Variants in CCDC25 observed in about 807,000 individuals in gnomAD.
CCDC25 encodes coiled-coil domain containing 25, also known as coiled-coil domain-containing protein 25.
CCDC25 carries 16 observed loss-of-function variants against 35.3 expected under a neutral mutation model. That is an observed-to-expected ratio of 0.45 (90% CI 0.31 to 0.69). CCDC25 has a LOEUF of 0.69. Among genes scored for constraint, CCDC25 ranks in the 30% least tolerant of loss-of-function variants. The probability of loss-of-function intolerance (pLI) is 0.06; values close to 1 mark genes in which losing one functional copy is unlikely to be tolerated. For synonymous variants in CCDC25, 79 were observed against 80.3 expected, an observed-to-expected ratio of 0.98 and a Z score of 0.09; for missense variants, 179 against 250.7, an observed-to-expected ratio of 0.71 and a Z score of 1.93.
intron 4 of CCDC25, chr8:27,753,143 T>C (rs183427351): frequency 6.6e-6 from 1 of 152,334 alleles, no homozygotes; most frequent in Non-Finnish European, 1.5e-5. Context: ...TTTTTCTCTA[T>C]AGAAATTTGT....
At chr8:27,738,185 G>A (rs1437668527) in intron 8 of CCDC25, among the ~76,000 whole-genome samples, 1 of 152,050 alleles carries the variant, frequency 6.6e-6, no homozygotes, top group African/African-American at 2.4e-5. Flanking sequence ...GGTGACGGAT[G>A]CACCAAAATC....
intron 3 of CCDC25, among the ~76,000 whole-genome samples, chr8:27,761,967 G>C (rs1225972283): frequency 1.3e-5 from 2 of 152,180 alleles, no homozygotes; most frequent in Non-Finnish European, 2.9e-5. Flanking sequence ...TCAAGACAGA[G>C]CTAAACTCAT....
intron 4 of CCDC25, among the ~76,000 whole-genome samples, chr8:27,755,142 G>A (rs899909750): frequency 2.0e-5 from 3 of 152,114 alleles, no homozygotes; most frequent in Non-Finnish European, 2.9e-5. Flanking sequence ...TCTTGATTTC[G>A]AAACACCATT....
chr8:27,740,525 G>A lies in CCDC25; in HGVS notation c.552-8C>T, dbSNP rs1563442489. ...ATTAGTGATGAATAGCTCCTAGAAG[G>A]AAAAAAACACACACACACATTTAAA... On this transcript the variant is annotated splice_polypyrimidine_tract_variant and splice_region_variant and intron_variant, in intron 7 of 8. Coordinates refer to ENST00000356537, the MANE Select transcript of CCDC25 (RefSeq NM_018246.3). 6.3e-7 allele frequency: 1 copy of A among 1,597,234 alleles called. No homozygotes were observed. Among genetic ancestry groups the A allele is most frequent in the Non-Finnish European group, 8.6e-7 (1 of 1,168,574 alleles).
Position 27,736,260 on chromosome 8 carries a change from A to G in CCDC25, c.598-15T>C. ...TCATTGCCATCCTGTAGGAAACACA[A>G]AAATGAGAACATAAAAGCCTTGAAA... On this transcript the variant is annotated splice_polypyrimidine_tract_variant and intron_variant, in intron 8 of 8. Coordinates refer to ENST00000356537, the MANE Select transcript of CCDC25 (RefSeq NM_018246.3). The G allele has an allele frequency of 6.3e-7, 1 of 1,590,776 alleles. No individual in the cohort carries two copies. Among genetic ancestry groups the G allele is most frequent in the South Asian group, 1.1e-5 (1 of 86,966 alleles).
intron 4 of CCDC25, chr8:27,756,435 T>A (rs1170506263): frequency 3.1e-6 from 1 of 321,850 alleles, no homozygotes; most frequent in Non-Finnish European, 5.8e-6. Context: ...GTCAACTGAA[T>A]TGAAAGAAAA....
chr8:27,771,787 A>C (rs1179241766), intron 1 of CCDC25, among the ~76,000 whole-genome samples: 1 of 152,176 alleles, frequency 6.6e-6, no homozygotes, highest in Non-Finnish European at 1.5e-5. Context: ...CAGGAAAGGC[A>C]TCTTGGAAAA....
chr8:27,770,815 G>A (rs1804579932), intron 1 of CCDC25, among the ~76,000 whole-genome samples: 1 of 151,208 alleles, frequency 6.6e-6, no homozygotes, highest in Non-Finnish European at 1.5e-5. Context: ...AGAATAGAAA[G>A]TGCTATAAGT....
chr8:27,737,270 G>A lies in CCDC25; in HGVS notation c.598-1025C>T, dbSNP rs1034215049. Among the ~76,000 whole-genome samples the A allele has an allele frequency of 3.3e-5, 5 of 152,184 alleles. No homozygotes were observed. Among genetic ancestry groups the A allele is most frequent in the African/African-American group, 4.8e-5 (2 of 41,434 alleles). ...AGGCGCAAAGACTATGATTGCCCCA[G>A]AGTCTTAATCTGAAATAAAAGCAGT... On this transcript the variant is annotated intron_variant, in intron 8 of 8. Coordinates refer to ENST00000356537, the MANE Select transcript of CCDC25 (RefSeq NM_018246.3). The surrounding 1 kb of genome is among the most constrained non-coding windows in gnomAD (Gnocchi z 4.6).
intron 5 of CCDC25, 41 bp downstream of exon 5, chr8:27,752,471 A>ATT (rs1357964227): frequency 6.9e-7 from 1 of 1,455,440 alleles, no homozygotes; most frequent in African/African-American, 1.4e-5. Flanking sequence ...GACACAGAGA[A>ATT]AGTCCGTGCT....
chr8:27,752,470 A>G (rs1585356241), intron 5 of CCDC25, 42 bp downstream of exon 5: 1 of 1,450,444 alleles, frequency 6.9e-7, no homozygotes, highest in East Asian at 2.3e-5. Flanking sequence ...AGACACAGAG[A>G]AAGTCCGTGC....
intron 7 of CCDC25, among the ~76,000 whole-genome samples, chr8:27,742,900 CA>C (rs1287123463): frequency 2.0e-5 from 3 of 152,056 alleles, no homozygotes; most frequent in Non-Finnish European, 2.9e-5. Flanking sequence ...CAAACAAAAA[CA>C]AATTTACCTT....
chr8:27,753,504 C>T (rs756127397), intron 4 of CCDC25, among the ~76,000 whole-genome samples: 10 of 152,040 alleles, frequency 6.6e-5, no homozygotes, highest in Non-Finnish European at 1.5e-4. Flanking sequence ...TGAGCCCAGG[C>T]GTTCAAGACC....
chr8:27,751,788 G>A lies in CCDC25; in HGVS notation c.244+724C>T, dbSNP rs574930607. Among the ~76,000 whole-genome samples the A allele has an allele frequency of 6.6e-5, 10 of 152,198 alleles. No homozygotes were observed. The East Asian group carries it at 1.9e-3, about 29-fold the overall frequency. ...ATAATCATCCTTCTTGACCCTTCAT[G>A]ACTATGAGATGAAATCTTGCATAGC... On this transcript the variant is annotated intron_variant, in intron 5 of 8. Transcript: ENST00000356537.
intron 3 of CCDC25, among the ~76,000 whole-genome samples, chr8:27,762,173 T>C (rs1804249975): frequency 6.6e-6 from 1 of 152,106 alleles, no homozygotes; most frequent in Non-Finnish European, 1.5e-5. Flanking sequence ...TACTATGGCG[T>C]GGAGACAAAA....
chr8:27,768,513 C>T (rs914192048), intron 1 of CCDC25, among the ~76,000 whole-genome samples: 2 of 143,502 alleles, frequency 1.4e-5, no homozygotes, highest in Admixed American at 1.5e-4. Context: ...CGCAGTGAGT[C>T]GAGATCATGC....
intron 3 of CCDC25, 38 bp downstream of exon 3, chr8:27,762,381 G>A (rs776085556): frequency 2.0e-5 from 31 of 1,584,796 alleles, no homozygotes. Context: ...GAAAGGAAAT[G>A]ATGATCTACA....
In CCDC25 at chr8:27,752,526, G is replaced by A. The variant is rs1485675138; in HGVS notation, c.230C>T (p.Ala77Val). 8.7e-6 allele frequency: 14 copies of A among 1,613,042 alleles called. No individual in the cohort carries two copies. Among genetic ancestry groups the A allele is most frequent in the Non-Finnish European group, 1.1e-5 (13 of 1,179,182 alleles). Residue 77 changes from alanine to valine, a missense_variant, in exon 5 of 9, where the codon GCC (alanine) becomes GTC (valine). Physicochemically the swap from Ala to Val is moderately conservative, Grantham distance 64. Transcript: ENST00000356537. ...VLMDCAHLVKANSIQGCKMNN... is the reference protein window; with the variant it reads ...VLMDCAHLVKVNSIQGCKMNN... ...GGAAAACTGACCTTGAATGCTATTG[G>A]CCTTCACAAGGTGGGCACAGTCCAT...
At chr8:27,766,894 T>A (rs1804419038) in intron 1 of CCDC25, among the ~76,000 whole-genome samples, 1 of 152,154 alleles carries the variant, frequency 6.6e-6, no homozygotes, top group Non-Finnish European at 1.5e-5. Context: ...ATTCAATTTA[T>A]AAAAAATAAA....
Sources: gnomAD v4.1 joint callset for allele counts (sites outside exome capture counted in the v4.1 genomes callset) on GRCh38, gnomAD v4.1.1 for gene constraint, Gnocchi (gnomAD v3.1) non-coding constraint, MANE v1.5 for transcripts, NCBI Gene and HGNC (gene_info 2026-07-23, HGNC 2026-07-21) for gene names.